Variants in UNC5C observed in about 807,000 individuals in gnomAD.
UNC5C encodes the protein unc-5 netrin receptor C, also known as netrin receptor UNC5C.
Under a neutral mutation model 99.8 loss-of-function variants are expected in UNC5C, and 47 were observed. The observed-to-expected ratio is 0.47, with a 90% CI of 0.37 to 0.60. The LOEUF (loss-of-function observed/expected upper bound fraction) is 0.60, where lower values mean the gene tolerates loss of function less well. Among genes scored for constraint, UNC5C ranks in the 20% least tolerant of loss-of-function variants. The pLI is 0.00. For synonymous variants in UNC5C, 487 were observed against 452.2 expected (o/e 1.08, Z -0.98); for missense variants, 1,062 against 1,165.9 (o/e 0.91, Z 1.30).
intron 1 of UNC5C, among the ~76,000 whole-genome samples, chr4:95,442,252 G>C (rs1441175510): frequency 6.6e-6 from 1 of 152,084 alleles, no homozygotes; most frequent in Non-Finnish European, 1.5e-5. Flanking sequence ...GCCCAGGCTG[G>C]AGTGCAGTGG....
At chr4:95,251,754 C>T (rs991245605) in intron 4 of UNC5C, among the ~76,000 whole-genome samples, 1 of 152,124 alleles carries the variant, frequency 6.6e-6, no homozygotes, top group African/African-American at 2.4e-5. Flanking sequence ...CACCACAAGA[C>T]GTCTAGAAAT....
chr4:95,174,104 T>G (rs574737823), intron 14 of UNC5C, among the ~76,000 whole-genome samples: 240 of 152,338 alleles, frequency 1.6e-3, no homozygotes, highest in African/African-American at 5.6e-3. Context: ...TTATCATTTT[T>G]TATTGCGTCT....
chr4:95,471,812 G>A (rs553378753), intron 1 of UNC5C, among the ~76,000 whole-genome samples: 5 of 151,882 alleles, frequency 3.3e-5, no homozygotes, highest in African/African-American at 7.2e-5. Flanking sequence ...AAAACTTTAC[G>A]CCTGTATGCA....
At chr4:95,471,620 G>C (rs998009668) in intron 1 of UNC5C, among the ~76,000 whole-genome samples, 1 of 152,014 alleles carries the variant, frequency 6.6e-6, no homozygotes, top group African/African-American at 2.4e-5. Flanking sequence ...CATCTTATTG[G>C]AAGAGTAATT....
intron 1 of UNC5C, among the ~76,000 whole-genome samples, chr4:95,384,228 G>A (rs75888753): frequency 0.017 from 2,612 of 152,114 alleles, 87 homozygotes; most frequent in African/African-American, 0.059. Context: ...TAACTATTAC[G>A]TGCTAGGTTC....
chr4:95,279,466 T>A (rs1232875621), intron 3 of UNC5C, among the ~76,000 whole-genome samples: 1 of 152,218 alleles, frequency 6.6e-6, no homozygotes, highest in Non-Finnish European at 1.5e-5. Flanking sequence ...TTTAACTAAA[T>A]CATCCCTGAA....
At chr4:95,221,803 T>A (rs1487756310) in intron 7 of UNC5C, among the ~76,000 whole-genome samples, 2 of 152,238 alleles carry the variant, frequency 1.3e-5, no homozygotes, top group Admixed American at 1.3e-4. Context: ...TTCTGAACTC[T>A]GGTCAGAATA....
intron 15 of UNC5C, among the ~76,000 whole-genome samples, 198 bp from the exon 16 acceptor site, chr4:95,169,597 C>T (rs948287587): frequency 3.9e-5 from 6 of 152,152 alleles, no homozygotes; most frequent in Non-Finnish European, 8.8e-5. Flanking sequence ...CTTTGTGAAC[C>T]TCAGCTCTGA....
intron 1 of UNC5C, among the ~76,000 whole-genome samples, chr4:95,347,581 T>C (rs1433502475): frequency 6.6e-6 from 1 of 151,866 alleles, no homozygotes; most frequent in Non-Finnish European, 1.5e-5. Flanking sequence ...TGGAACAGAA[T>C]AACAAACCCA....
chr4:95,489,426 G>A (rs1489037708), intron 1 of UNC5C, among the ~76,000 whole-genome samples: 1 of 151,676 alleles, frequency 6.6e-6, no homozygotes, highest in East Asian at 2.0e-4. Context: ...AGGCCACGAT[G>A]AAGAGTAATT....
chr4:95,219,190 G>A lies in UNC5C; in HGVS notation c.1424C>T (p.Pro475Leu). The A allele has an allele frequency of 1.2e-6, 2 of 1,614,150 alleles. No individual in the cohort carries two copies. Among genetic ancestry groups the A allele is most frequent in the South Asian group, 1.1e-5 (1 of 91,076 alleles). Residue 475 changes from proline to leucine, a missense_variant, in exon 9 of 16, where the codon CCC (proline) becomes CTC (leucine). By Grantham distance (98) the Pro-to-Leu change is moderately conservative. Coordinates refer to ENST00000453304, the MANE Select transcript of UNC5C (RefSeq NM_003728.4). Reference protein sequence around the residue: ...MTNSPILDPLPNLKIKVYNTS... With the variant: ...MTNSPILDPLLNLKIKVYNTS... ...GTTGTACACTTTGATTTTCAGGTTG[G>A]GCAGTGGATCCAGAATTGGAGAGTT...
At position 95,493,926 on chromosome 4, in the gene UNC5C, A is replaced by G. The variant is rs1474440638; in HGVS notation, c.124+54808T>C. 5.9e-5 allele frequency among the ~76,000 whole-genome samples: 9 copies of G among 151,484 alleles called. No individual in the cohort carries two copies. In the Admixed American group the frequency reaches 5.9e-4, roughly 10 times the overall value. Reference sequence around the variant, plus strand: ...GTACAGTTAATATTCTCTATCAATTACAACGCCATTTTTTCGCTTTTAAAA... The same window carrying G: ...GTACAGTTAATATTCTCTATCAATTGCAACGCCATTTTTTCGCTTTTAAAA... On this transcript the variant is annotated intron_variant, in intron 1 of 15. Transcript: ENST00000453304.
At chr4:95,420,181 A>G (rs1379479355) in intron 1 of UNC5C, among the ~76,000 whole-genome samples, 1 of 152,198 alleles carries the variant, frequency 6.6e-6, no homozygotes, top group East Asian at 1.9e-4. Context: ...TTATTGGAAA[A>G]TATTATCCAC....
intron 1 of UNC5C, among the ~76,000 whole-genome samples, chr4:95,463,633 G>A (rs1747677099): frequency 6.6e-6 from 1 of 152,054 alleles, no homozygotes; most frequent in Admixed American, 6.6e-5. Context: ...AAAAGAGAAG[G>A]TATCAAAATA....
intron 1 of UNC5C, among the ~76,000 whole-genome samples, chr4:95,473,874 T>C (rs1748051771): frequency 6.6e-6 from 1 of 152,124 alleles, no homozygotes; most frequent in Admixed American, 6.5e-5. Flanking sequence ...GGAAGAGAAG[T>C]GTTTGTTAGG....
intron 11 of UNC5C, among the ~76,000 whole-genome samples, 180 bp downstream of exon 11, chr4:95,206,448 C>T (rs1737878838): frequency 1.3e-5 from 2 of 152,092 alleles, no homozygotes; most frequent in Admixed American, 1.3e-4. Context: ...TTCTGTGTGC[C>T]TGTCAATCAG....
chr4:95,424,167 G>T (rs1746396733), intron 1 of UNC5C, among the ~76,000 whole-genome samples: 1 of 152,048 alleles, frequency 6.6e-6, no homozygotes, highest in Non-Finnish European at 1.5e-5. Context: ...GAATGTTGAA[G>T]ACCCTGATGA....
intron 1 of UNC5C, among the ~76,000 whole-genome samples, chr4:95,371,668 T>A (rs183059695): frequency 6.6e-6 from 1 of 152,284 alleles, no homozygotes; most frequent in East Asian, 1.9e-4. Flanking sequence ...GTAAATTAAA[T>A]AAGTTAACAT....
At chr4:95,195,596 G>A (rs1056137475) in intron 12 of UNC5C, among the ~76,000 whole-genome samples, 45 of 152,230 alleles carry the variant, frequency 3.0e-4, no homozygotes, top group Admixed American at 6.5e-4. Flanking sequence ...ACAGCTTGCC[G>A]AGGAAATGCC....
Sources: allele counts gnomAD v4.1 joint callset (sites outside exome capture counted in the v4.1 genomes callset), GRCh38; gene constraint gnomAD v4.1.1; transcripts MANE v1.5; gene names NCBI Gene and HGNC (gene_info 2026-07-23, HGNC 2026-07-21).